SGO2: variants seen among roughly 807,000 people sequenced by gnomAD.
SGO2 encodes the protein shugoshin-like 2.
SGO2 carries 68 observed loss-of-function variants against 99.5 expected under a neutral mutation model. That is an observed-to-expected ratio of 0.68 (90% CI 0.56 to 0.84). The LOEUF is 0.84. Among genes scored for constraint, SGO2 ranks in the 40% least tolerant of loss-of-function variants. The probability of loss-of-function intolerance (pLI) is 0.00; values close to 1 mark genes in which losing one functional copy is unlikely to be tolerated. For synonymous variants in SGO2, 457 were observed against 487.1 expected, an observed-to-expected ratio of 0.94 and a Z score of 0.81; for missense variants, 1,350 against 1,436.7, an observed-to-expected ratio of 0.94 and a Z score of 0.97.
At chr2:200,537,158 C>T (rs1483483854) in intron 4 of SGO2, among the ~76,000 whole-genome samples, 2 of 151,944 alleles carry the variant, frequency 1.3e-5, no homozygotes, top group Admixed American at 1.3e-4. Flanking sequence ...TCACTAGGCT[C>T]CTGTTGTTGG....
chr2:200,559,787 A>G (rs1175279118), intron 5 of SGO2, among the ~76,000 whole-genome samples: 1 of 151,958 alleles, frequency 6.6e-6, no homozygotes, highest in Non-Finnish European at 1.5e-5. Flanking sequence ...CTGATTTTTT[A>G]TTTGACCCTG....
intron 4 of SGO2, 119 bp from the exon 5 acceptor site, chr2:200,542,460 A>G (rs927109323): frequency 1.6e-6 from 1 of 628,614 alleles, no homozygotes; most frequent in Non-Finnish European, 2.6e-6. Context: ...TAAATTATTA[A>G]AGGTAAATGC....
chr2:200,566,838 C>T (rs1473798513), intron 5 of SGO2, among the ~76,000 whole-genome samples: 6 of 152,220 alleles, frequency 3.9e-5, no homozygotes, highest in African/African-American at 9.7e-5. Context: ...CTAGCAAGAG[C>T]GAGGCTCCGT....
In SGO2 at chr2:200,573,360, T is replaced by C. The variant is rs200825147; in HGVS notation, c.3014T>C (p.Leu1005Pro). ...ATTTTGACAAAAGCTAAGAACAAAC[T>C]TGCTTCACAGTTAACAGAATCTTCA... ...KNILTKAKNK[L>P]ASQLTESSQT... Residue 1005 changes from leucine to proline, a missense_variant, in exon 7 of 9, where the codon CTT becomes CCT. Transcript: ENST00000357799. The C allele has an allele frequency of 5.6e-6, 9 of 1,603,488 alleles. No homozygotes were observed. The highest frequency in any genetic ancestry group is 7.6e-6 in the Non-Finnish European group (9 of 1,177,088).
chr2:200,583,115 G>T (rs1461359740), intron 8 of SGO2, among the ~76,000 whole-genome samples: 1 of 152,124 alleles, frequency 6.6e-6, no homozygotes, highest in Non-Finnish European at 1.5e-5. Flanking sequence ...GTAGGAACAT[G>T]AGCATTTACT....
chr2:200,563,823 T>A (rs528725774), intron 5 of SGO2, among the ~76,000 whole-genome samples: 1 of 152,250 alleles, frequency 6.6e-6, no homozygotes, highest in South Asian at 2.1e-4. Context: ...CCATTTCTTC[T>A]AGATTTTCTA....
chr2:200,570,430 T>C lies in SGO2; in HGVS notation c.703+538T>C, dbSNP rs1352183947. On this transcript the variant is annotated intron_variant, in intron 6 of 8. Coordinates refer to ENST00000357799, the MANE Select transcript of SGO2 (RefSeq NM_152524.6). This position sits in a 1 kb window ranked among gnomAD's most constrained non-coding sequence, Gnocchi z 4.4. ...AGATTTTCAGACTGGGATATGGAAC[T>C]ATAACAATTTTGAATTTAGAGCTTA... Among the ~76,000 whole-genome samples, 1 of 151,730 alleles carries C rather than the reference T, an allele frequency of 6.6e-6. No individual in the cohort carries two copies.
In SGO2 at chr2:200,572,395, T is replaced by C. The variant is rs373327627; in HGVS notation, c.2049T>C (p.Tyr683=). The C allele has an allele frequency of 2.8e-4, 444 of 1,613,422 alleles. No individual in the cohort carries two copies. The highest frequency in any genetic ancestry group is 3.4e-4 in the Non-Finnish European group (404 of 1,179,638). Residue 683 remains tyrosine, a synonymous_variant, in exon 7 of 9, where the codon TAT becomes TAC. Transcript: ENST00000357799. ...STRDNENQCD[Y]RTQNVLGLQK... ...GAGATAATGAAAATCAATGTGACTA[T>C]AGGACCCAGAATGTGTTGGGTTTGC...
At chr2:200,582,520 A>T (rs2033871463) in intron 8 of SGO2, among the ~76,000 whole-genome samples, 2 of 152,204 alleles carry the variant, frequency 1.3e-5, no homozygotes, top group African/African-American at 4.8e-5. Context: ...TTTCCTTAGA[A>T]TTCATAACCA....
chr2:200,581,293 A>G (rs2033837108), intron 8 of SGO2, among the ~76,000 whole-genome samples: 1 of 152,054 alleles, frequency 6.6e-6, no homozygotes, highest in Non-Finnish European at 1.5e-5. Context: ...TCTGTTTTGT[A>G]CTAAGGTTAT....
chr2:200,571,847 G>C lies in SGO2; in HGVS notation c.1501G>C (p.Glu501Gln), dbSNP rs774576505. Residue 501 changes from glutamate to glutamine, a missense_variant, in exon 7 of 9, where the codon GAG becomes CAG. Coordinates refer to ENST00000357799, the MANE Select transcript of SGO2 (RefSeq NM_152524.6). The part of the protein sequence containing the change: ...KKEKRITNEQ[E>Q]ETYSLSQSSG... ...GGAGAAAAGAATAACAAATGAGCAAGAGGAAACATACTCTTTATCCCAAAG... is the reference window on the plus strand; with the variant it reads ...GGAGAAAAGAATAACAAATGAGCAACAGGAAACATACTCTTTATCCCAAAG... 8.1e-6 allele frequency: 13 copies of C among 1,613,514 alleles called. No individual in the cohort carries two copies. The South Asian group carries it at 1.4e-4, about 18-fold the overall frequency.
intron 4 of SGO2, among the ~76,000 whole-genome samples, chr2:200,538,996 T>C (rs747828484): frequency 1.3e-5 from 2 of 152,146 alleles, no homozygotes; most frequent in Non-Finnish European, 2.9e-5. Context: ...TAGGCATTGA[T>C]AAAAATGTTA....
chr2:200,544,209 A>G (rs1389850812), intron 5 of SGO2, among the ~76,000 whole-genome samples: 1 of 152,208 alleles, frequency 6.6e-6, no homozygotes, highest in Non-Finnish European at 1.5e-5. Flanking sequence ...TCATTGCTGT[A>G]TAGTATTCAA....
chr2:200,539,213 T>G (rs1222619968), intron 4 of SGO2, among the ~76,000 whole-genome samples: 4 of 152,098 alleles, frequency 2.6e-5, no homozygotes, highest in African/African-American at 9.6e-5. Context: ...TAGGAAAATG[T>G]CTTTCTTTCT....
intron 8 of SGO2, among the ~76,000 whole-genome samples, chr2:200,581,352 C>T (rs2033839280): frequency 6.6e-6 from 1 of 151,982 alleles, no homozygotes; most frequent in Non-Finnish European, 1.5e-5. Context: ...TTCCATGTAT[C>T]TCCTGTAGTT....
chr2:200,536,698 T>C (rs1258075152), intron 4 of SGO2, among the ~76,000 whole-genome samples: 1 of 152,146 alleles, frequency 6.6e-6, no homozygotes, highest in Non-Finnish European at 1.5e-5. Flanking sequence ...TATACATTCT[T>C]GGTAGCTACC....
At chr2:200,563,177 A>G (rs977116797) in intron 5 of SGO2, among the ~76,000 whole-genome samples, 2 of 150,490 alleles carry the variant, frequency 1.3e-5, no homozygotes, top group Non-Finnish European at 3.0e-5. Context: ...GCCCATTCAA[A>G]ACTGGAGGCT....
chr2:200,578,262 A>G (rs1303545663), intron 8 of SGO2, among the ~76,000 whole-genome samples: 1 of 152,022 alleles, frequency 6.6e-6, no homozygotes, highest in African/African-American at 2.4e-5. Flanking sequence ...AGTTATTCCA[A>G]CTTTGACCAC....
intron 3 of SGO2, 121 bp downstream of exon 3, chr2:200,535,292 A>G (rs2031639542): frequency 3.5e-6 from 3 of 854,154 alleles, no homozygotes; most frequent in East Asian, 3.0e-5. Context: ...GAAAGTCAGT[A>G]TACCATGTAA....
Sources: allele counts gnomAD v4.1 joint callset (sites outside exome capture counted in the v4.1 genomes callset), GRCh38; gene constraint gnomAD v4.1.1; non-coding constraint Gnocchi (gnomAD v3.1); transcripts MANE v1.5; gene names NCBI Gene and HGNC (gene_info 2026-07-23, HGNC 2026-07-21).